DSCAM: variants seen among roughly 807,000 people sequenced by gnomAD.
DSCAM encodes cell adhesion molecule DSCAM.
In DSCAM, 47 loss-of-function variants were observed where a neutral mutation model predicts 217.7. The ratio of observed to expected loss-of-function variants is 0.22; its 90% confidence interval spans 0.17 to 0.28. DSCAM has a LOEUF of 0.28. Ranked by LOEUF, DSCAM falls within the 10% of genes least tolerant of loss-of-function variation. The pLI is 1.00. For missense variants in DSCAM, 2,080 were observed against 2,618.3 expected (o/e 0.79, Z 4.49); for synonymous variants, 1,056 against 1,015.3 (o/e 1.04, Z -0.76).
chr21:40,593,488 G>A (rs1158965982), intron 3 of DSCAM, among the ~76,000 whole-genome samples: 2 of 152,000 alleles, frequency 1.3e-5, no homozygotes, highest in Admixed American at 1.3e-4. Flanking sequence ...ACCACAACTG[G>A]TTAGTTTTCT....
At chr21:40,764,252 AAAAC>A (rs1436654364) in intron 1 of DSCAM, among the ~76,000 whole-genome samples, 11 of 152,132 alleles carry the variant, frequency 7.2e-5, no homozygotes, top group Non-Finnish European at 1.5e-4. Flanking sequence ...TTACAAGAAA[AAAAC>A]AAACAACTCC....
intron 3 of DSCAM, among the ~76,000 whole-genome samples, chr21:40,537,507 TCACATG>T (rs1462817795): frequency 6.6e-6 from 1 of 151,672 alleles, no homozygotes; most frequent in South Asian, 2.1e-4. Context: ...ACCAAAAAAC[TCACATG>T]CTTAAGTACT....
At position 40,431,328 on chromosome 21, in the gene DSCAM, G is replaced by T. The variant is rs188500968; in HGVS notation, c.509-62083C>A. 8.4e-4 allele frequency among the ~76,000 whole-genome samples: 128 copies of T among 152,068 alleles called. 2 individuals are homozygous for T. In the Middle Eastern group the frequency reaches 0.01, roughly 12 times the overall value. On this transcript the variant is annotated intron_variant, in intron 3 of 32. Coordinates refer to ENST00000400454, the MANE Select transcript of DSCAM (RefSeq NM_001389.5). ...TCCTCCTCAGCCTATTCAATATGAA[G>T]ACAATGAGGACAAAGACCTTTATGA...
intron 1 of DSCAM, among the ~76,000 whole-genome samples, chr21:40,795,560 T>G (rs1437913907): frequency 2.6e-5 from 4 of 152,210 alleles, no homozygotes; most frequent in African/African-American, 9.7e-5. Flanking sequence ...CAAACTTTCA[T>G]TAAATAGTAA....
chr21:40,675,749 C>A (rs977952847), intron 3 of DSCAM, among the ~76,000 whole-genome samples: 6 of 152,196 alleles, frequency 3.9e-5, no homozygotes, highest in African/African-American at 1.4e-4. Context: ...TTTACTGAAC[C>A]TTCACAGAGG....
At chr21:40,720,185 G>A (rs964093496) in intron 1 of DSCAM, among the ~76,000 whole-genome samples, 5 of 152,176 alleles carry the variant, frequency 3.3e-5, no homozygotes, top group Non-Finnish European at 5.9e-5. Context: ...TAGCTTTATT[G>A]ATTTCATAGG....
chr21:40,714,778 T>C (rs1257838624), intron 1 of DSCAM, among the ~76,000 whole-genome samples: 1 of 152,192 alleles, frequency 6.6e-6, no homozygotes, highest in Admixed American at 6.5e-5. Flanking sequence ...ATTCAATGAA[T>C]GCATTTTGTA....
chr21:40,246,115 A>G (rs377699089), intron 11 of DSCAM, among the ~76,000 whole-genome samples: 5 of 151,866 alleles, frequency 3.3e-5, no homozygotes, highest in African/African-American at 4.8e-5. Context: ...TAGACTCTCA[A>G]ATAAAAGCCA....
Position 40,136,207 on chromosome 21 carries a change from C to T in DSCAM, c.3407-2198G>A, listed in dbSNP as rs141481754. On this transcript the variant is annotated intron_variant, in intron 18 of 32. Coordinates refer to ENST00000400454, the MANE Select transcript of DSCAM (RefSeq NM_001389.5). ...TCACCAGGTAGTCAAAATATCAATA[C>T]TTGGTTGTCCCAGATGGATTGGAAA... is the stretch of plus-strand genomic sequence containing the variant. Among the ~76,000 whole-genome samples, 396 of 152,360 alleles carry T rather than the reference C, an allele frequency of 2.6e-3. 1 individual carries two copies. Among genetic ancestry groups the T allele is most frequent in the African/African-American group, 9.4e-3 (389 of 41,594 alleles).
chr21:40,500,773 C>G (rs1441240178), intron 3 of DSCAM, among the ~76,000 whole-genome samples: 3 of 152,166 alleles, frequency 2.0e-5, no homozygotes, highest in African/African-American at 7.2e-5. Flanking sequence ...GCAGGTGAAA[C>G]AAAATCAACT....
chr21:40,796,222 A>G (rs1011764379), intron 1 of DSCAM, among the ~76,000 whole-genome samples: 2 of 152,192 alleles, frequency 1.3e-5, no homozygotes, highest in Non-Finnish European at 2.9e-5. Flanking sequence ...AGGCTTGGCC[A>G]TGTTCCTGAC....
intron 3 of DSCAM, among the ~76,000 whole-genome samples, chr21:40,511,338 T>C (rs1331323085): frequency 6.6e-6 from 1 of 152,166 alleles, no homozygotes; most frequent in African/African-American, 2.4e-5. Context: ...AGATAAAATT[T>C]TAAATACAAG....
intron 3 of DSCAM, among the ~76,000 whole-genome samples, chr21:40,520,878 T>C (rs571258180): frequency 1.3e-5 from 2 of 152,292 alleles, no homozygotes; most frequent in Non-Finnish European, 1.5e-5. Context: ...TTGCAAATCA[T>C]TGTATTTGAG....
chr21:40,384,731 C>T (rs951187008), intron 3 of DSCAM: 2 of 152,366 alleles, frequency 1.3e-5, no homozygotes, highest in Non-Finnish European at 2.9e-5. Context: ...TACAGGGGAT[C>T]TCTCAGGCTC....
chr21:40,774,770 G>A (rs540243193), intron 1 of DSCAM, among the ~76,000 whole-genome samples: 1 of 151,396 alleles, frequency 6.6e-6, no homozygotes, highest in South Asian at 2.1e-4. Context: ...CTTCTATCTC[G>A]GTGAGTCTGA....
intron 3 of DSCAM, among the ~76,000 whole-genome samples, chr21:40,494,176 A>C (rs1240386788): frequency 6.6e-6 from 1 of 152,304 alleles, no homozygotes; most frequent in East Asian, 1.9e-4. Context: ...TAACAAAGTG[A>C]CACTAATAAG....
At chr21:40,841,526 C>T (rs867146231) in intron 1 of DSCAM, among the ~76,000 whole-genome samples, 4 of 152,148 alleles carry the variant, frequency 2.6e-5, no homozygotes, top group Non-Finnish European at 4.4e-5. Flanking sequence ...AGAGTTAACC[C>T]CCCAGTCCAG....
chr21:40,043,517 T>A (rs1244966454), intron 31 of DSCAM, among the ~76,000 whole-genome samples: 1 of 151,978 alleles, frequency 6.6e-6, no homozygotes, highest in African/African-American at 2.4e-5. Flanking sequence ...TAAGAGGGGG[T>A]GGTGGGCAAC....
chr21:40,514,158 C>T (rs917670233), intron 3 of DSCAM, among the ~76,000 whole-genome samples: 12 of 152,170 alleles, frequency 7.9e-5, no homozygotes, highest in African/African-American at 2.9e-4. Context: ...GAAACAGTGG[C>T]AAGTGCAAAG....
Sources: gnomAD v4.1 joint callset for allele counts (sites outside exome capture counted in the v4.1 genomes callset) on GRCh38, gnomAD v4.1.1 for gene constraint, MANE v1.5 for transcripts, NCBI Gene and HGNC (gene_info 2026-07-23, HGNC 2026-07-21) for gene names.